The following GRID2 variants were observed in gnomAD, a reference collection of about 807,000 sequenced individuals.
The protein encoded by GRID2 is glutamate ionotropic receptor delta type subunit 2, also known as glutamate receptor ionotropic, delta-2.
Under a neutral mutation model 114.8 loss-of-function variants are expected in GRID2, and 33 were observed. That is an observed-to-expected ratio of 0.29 (90% CI 0.22 to 0.38). The LOEUF is 0.38. Ranked by LOEUF, GRID2 falls within the 10% of genes least tolerant of loss-of-function variation. The pLI is 1.00. For missense variants in GRID2, 1,184 were observed against 1,257.7 expected (o/e 0.94, Z 0.89); for synonymous variants, 505 against 449.9 (o/e 1.12, Z -1.55).
chr4:93,390,702 A>G (rs1361533934), intron 8 of GRID2, among the ~76,000 whole-genome samples: 2 of 152,196 alleles, frequency 1.3e-5, no homozygotes, highest in East Asian at 3.8e-4. Context: ...ATAGGATATC[A>G]TTAAATCAGT....
chr4:93,238,308 T>C, intron 7 of GRID2, 63 bp from the exon 8 acceptor site: 8 of 1,241,900 alleles, frequency 6.4e-6, no homozygotes, highest in African/African-American at 1.5e-5. Context: ...AAGTTCCTTT[T>C]ATGTTTATTT....
At chr4:92,463,976 C>T (rs1721621598) in intron 1 of GRID2, among the ~76,000 whole-genome samples, 1 of 151,494 alleles carries the variant, frequency 6.6e-6, no homozygotes, top group Non-Finnish European at 1.5e-5. Context: ...CTCTACTTCT[C>T]TTCCATTGAA....
At chr4:92,924,410 AAAG>A (rs1464819803) in intron 2 of GRID2, among the ~76,000 whole-genome samples, 7 of 152,050 alleles carry the variant, frequency 4.6e-5, no homozygotes, top group East Asian at 1.9e-4. Context: ...TAAAAAAAAA[AAAG>A]AAATTATTCG....
rs1440487635 is a variant in GRID2, at chr4:93,773,394, T to C, written c.*896T>C. On this transcript the variant is annotated 3_prime_UTR_variant, in exon 16 of 16. Transcript: ENST00000282020. ...AAAAGGCAGGTTGCTTTAATGTTAT[T>C]CTGACTCGCATTGTTTGCCAACAGA... 6.6e-6 allele frequency: 1 copy of C among 152,196 alleles called. No homozygotes were observed. Among genetic ancestry groups the C allele is most frequent in the Non-Finnish European group, 1.5e-5 (1 of 68,018 alleles). 9.4% of individuals were successfully genotyped at this position (152,196 alleles called of 1,614,324 possible).
intron 2 of GRID2, among the ~76,000 whole-genome samples, chr4:93,056,111 G>C (rs990929028): frequency 6.6e-6 from 1 of 151,858 alleles, no homozygotes; most frequent in Admixed American, 6.6e-5. Context: ...AACCTGCAGG[G>C]GTGTAGAATT....
chr4:93,465,020 TTAAC>T (rs1479456718), intron 11 of GRID2, among the ~76,000 whole-genome samples: 2 of 152,182 alleles, frequency 1.3e-5, no homozygotes, highest in African/African-American at 2.4e-5. Flanking sequence ...CAAGAATTAT[TTAAC>T]TAGTCACAGA....
At chr4:93,392,720 C>A (rs932868843) in intron 8 of GRID2, among the ~76,000 whole-genome samples, 6 of 151,908 alleles carry the variant, frequency 3.9e-5, no homozygotes, top group Admixed American at 1.3e-4. Flanking sequence ...GTCTCAATGT[C>A]GTTGACTATA....
chr4:93,599,601 T>A (rs1739468047), intron 13 of GRID2, among the ~76,000 whole-genome samples: 1 of 152,154 alleles, frequency 6.6e-6, no homozygotes. Flanking sequence ...GAAAACAATG[T>A]GATTATATAC....
chr4:92,441,654 A>C (rs1005278651), intron 1 of GRID2, among the ~76,000 whole-genome samples: 2 of 152,136 alleles, frequency 1.3e-5, no homozygotes, highest in African/African-American at 4.8e-5. Context: ...GCCATGCTGT[A>C]GCAGGCGAGT....
chr4:92,508,520 C>T (rs1028123006), intron 1 of GRID2, among the ~76,000 whole-genome samples: 2 of 151,796 alleles, frequency 1.3e-5, no homozygotes, highest in Non-Finnish European at 2.9e-5. Flanking sequence ...AAGTGGCATT[C>T]AGTTGAGACC....
intron 13 of GRID2, among the ~76,000 whole-genome samples, chr4:93,553,519 A>G (rs1391277465): frequency 1.3e-5 from 2 of 152,210 alleles, no homozygotes; most frequent in Non-Finnish European, 2.9e-5. Flanking sequence ...TGCCTGCTAC[A>G]TTTTCATTTC....
At chr4:93,082,128 T>C (rs1729922499) in intron 2 of GRID2, among the ~76,000 whole-genome samples, 1 of 152,208 alleles carries the variant, frequency 6.6e-6, no homozygotes, top group Non-Finnish European at 1.5e-5. Context: ...GGAGGCCCGT[T>C]CTTATATGTG....
At chr4:93,780,068 T>C (rs755266877) in intron 1 of GRID2, among the ~76,000 whole-genome samples, 1 of 152,348 alleles carries the variant, frequency 6.6e-6, no homozygotes, top group South Asian at 2.1e-4. Flanking sequence ...GGGAGACAGA[T>C]AATAAGCCAG....
intron 1 of GRID2, among the ~76,000 whole-genome samples, chr4:92,461,336 A>G (rs1450755354): frequency 6.6e-6 from 1 of 151,710 alleles, no homozygotes; most frequent in Non-Finnish European, 1.5e-5. Flanking sequence ...GCTCAACATC[A>G]TTTTCTTATA....
At chr4:93,502,054 G>A (rs1728165841) in intron 12 of GRID2, among the ~76,000 whole-genome samples, 1 of 152,010 alleles carries the variant, frequency 6.6e-6, no homozygotes, top group African/African-American at 2.4e-5. Context: ...ATACTGCTTA[G>A]TCATTGTGGA....
At chr4:93,495,089 A>G (rs1727397558) in intron 12 of GRID2, among the ~76,000 whole-genome samples, 1 of 151,786 alleles carries the variant, frequency 6.6e-6, no homozygotes, top group African/African-American at 2.4e-5. Flanking sequence ...AGGAGCTGCA[A>G]GTAAACTTGG....
At chr4:92,390,857 A>G (rs1423256758) in intron 1 of GRID2, among the ~76,000 whole-genome samples, 1 of 152,194 alleles carries the variant, frequency 6.6e-6, no homozygotes, top group African/African-American at 2.4e-5. Flanking sequence ...TCACTAAGAT[A>G]AAAGTTCCAT....
intron 3 of GRID2, among the ~76,000 whole-genome samples, chr4:93,098,828 T>C (rs1382871083): frequency 2.6e-5 from 4 of 151,964 alleles, no homozygotes; most frequent in Non-Finnish European, 5.9e-5. Context: ...TTTATTATGA[T>C]AATGATGCAG....
chr4:93,411,981 C>T (rs561588075), intron 9 of GRID2, among the ~76,000 whole-genome samples: 8 of 151,692 alleles, frequency 5.3e-5, no homozygotes, highest in African/African-American at 1.7e-4. Flanking sequence ...AAACCAATCC[C>T]GAACTTCAAA....
Sources: allele counts gnomAD v4.1 joint callset (sites outside exome capture counted in the v4.1 genomes callset), GRCh38; gene constraint gnomAD v4.1.1; transcripts MANE v1.5; gene names NCBI Gene and HGNC (gene_info 2026-07-23, HGNC 2026-07-21).